Variants in SBNO2 observed in about 807,000 individuals in gnomAD.
SBNO2 encodes the protein protein strawberry notch homolog 2.
A neutral mutation model predicts 146.3 loss-of-function variants in SBNO2; 89 were observed. That is an observed-to-expected ratio of 0.61 (90% CI 0.51 to 0.73). SBNO2 has a LOEUF of 0.73. SBNO2 is among the 30% of genes least tolerant of loss of function. The probability of loss-of-function intolerance (pLI) is 0.00; values close to 1 mark genes in which losing one functional copy is unlikely to be tolerated. For missense variants in SBNO2, 2,092 were observed against 2,003.7 expected (o/e 1.04, Z -0.84); for synonymous variants, 1,147 against 892.6 (o/e 1.29, Z -5.08).
In SBNO2 at chr19:1,109,769, G is replaced by T. The variant is rs545598914; in HGVS notation, c.3037C>A (p.Pro1013Thr). 6.4e-7 allele frequency: 1 copy of T among 1,555,714 alleles called. No individual in the cohort carries two copies. The highest frequency in any genetic ancestry group is 1.4e-5 in the African/African-American group (1 of 73,788). The part of the protein sequence containing the change: ...KYDMGILDLA[P>T]GIEEIYEESQ... ...TCCTCGTAGATCTCCTCGATACCGGGAGCAAGGTCTAGGGGGGCGGGTGGA... is the reference window on the plus strand; with the variant it reads ...TCCTCGTAGATCTCCTCGATACCGGTAGCAAGGTCTAGGGGGGCGGGTGGA... The change falls in exon 27 of 32, where the codon CCC becomes ACC. Residue 1013 changes from proline (P) to threonine (T), a missense_variant. Pro to Thr is a conservative substitution (Grantham distance 38, BLOSUM62 -1). Coordinates refer to ENST00000361757, the MANE Select transcript of SBNO2 (RefSeq NM_014963.3). The surrounding 1 kb of genome is among the most constrained non-coding windows in gnomAD (Gnocchi z 4.2).
chr19:1,123,159 G>T (rs1463384423), intron 7 of SBNO2, 114 bp from the exon 8 acceptor site: 2 of 1,251,992 alleles, frequency 1.6e-6, no homozygotes, highest in East Asian at 5.0e-5. Context: ...GGGCAGTTTG[G>T]GGGCGTGGCC....
chr19:1,115,965 C>CGGGGG, intron 17 of SBNO2, 56 bp downstream of exon 17: 1 of 920,176 alleles, frequency 1.1e-6, no homozygotes, highest in East Asian at 1.0e-4. Flanking sequence ...AGCCAGCCCC[C>CGGGGG]GGGGGGAGAA....
In SBNO2 at chr19:1,108,607, G is replaced by GCAGCC; in HGVS notation, c.3709_3713dup (p.Cys1238TrpfsTer117). The GCAGCC allele has an allele frequency of 7.2e-7, 1 of 1,383,914 alleles. No individual in the cohort carries two copies. The highest frequency in any genetic ancestry group is 9.3e-7 in the Non-Finnish European group (1 of 1,078,000). The allele number at this position is 1,383,914 out of a possible 1,614,324, so 85.7% of individuals were successfully genotyped here. On this transcript the variant is annotated frameshift_variant, in exon 32 of 32. Transcript: ENST00000361757. LOFTEE classifies it low-confidence loss of function (END_TRUNC). ...GCGGGCGCGGGGCGGGCGGGGCGGG[G>GCAGCC]CAGCCCAGGGCGGGCGCCTGCCTGC...
chr19:1,114,136 G>T, intron 18 of SBNO2, 95 bp downstream of exon 18: 1 of 1,174,010 alleles, frequency 8.5e-7, no homozygotes, highest in Non-Finnish European at 1.1e-6. Flanking sequence ...GAGGCCGGGG[G>T]AGCCTCAGGC....
chr19:1,110,549 GC>G lies in SBNO2; in HGVS notation c.3028+195del, dbSNP rs1282371003. 7.9e-5 allele frequency among the ~76,000 whole-genome samples: 11 copies of G among 138,502 alleles called. No individual in the cohort carries two copies. Among genetic ancestry groups the G allele is most frequent in the South Asian group, 2.4e-4 (1 of 4,148 alleles). The allele number at this position is 138,502 out of a possible 152,430, so 90.9% of individuals were successfully genotyped here. On this transcript the variant is annotated intron_variant, in intron 26 of 31. Transcript: ENST00000361757. This position sits in a 1 kb window ranked among gnomAD's most constrained non-coding sequence, Gnocchi z 4.9. ...CCCACAATGCACGGTGTTCCCACGA[GC>G]CCCGAGCCCACCTGGGATGCCCGGC...
chr19:1,119,865 C>A, intron 12 of SBNO2, 41 bp downstream of exon 12: 1 of 1,441,874 alleles, frequency 6.9e-7, no homozygotes, highest in Non-Finnish European at 9.5e-7. Flanking sequence ...GGCAGAAAGA[C>A]GCTGCTGCGG....
chr19:1,146,522 G>T (rs1193663369), intron 4 of SBNO2, among the ~76,000 whole-genome samples: 1 of 152,078 alleles, frequency 6.6e-6, no homozygotes, highest in Non-Finnish European at 1.5e-5. Context: ...AGGCTTGGGG[G>T]AGCTGAGCAC....
At position 1,166,264 on chromosome 19, in the gene SBNO2, C is replaced by T. The variant is rs1178519204; in HGVS notation, c.-127+7908G>A. ...TCCCAGACCCCAGCCCAGAGGGAGG[C>T]CCGGTGAGGGAGTGGAAAGGAGATT... On this transcript the variant is annotated intron_variant, in intron 1 of 31. Transcript: ENST00000361757. 2.1e-5 allele frequency among the ~76,000 whole-genome samples: 3 copies of T among 146,254 alleles called. No individual in the cohort carries two copies. In the East Asian group the frequency reaches 6.0e-4, roughly 29 times the overall value.
rs1025568148 is a variant in SBNO2, at chr19:1,132,344, C to A, written c.280-4579G>T. On this transcript the variant is annotated intron_variant, in intron 4 of 31. Coordinates refer to ENST00000361757, the MANE Select transcript of SBNO2 (RefSeq NM_014963.3). Reference sequence around the variant, plus strand: ...CTGACTTTCAGGAAATGATGCCGGCCCCGTAAGTCAGGGCAATTACCGGCA... The same window carrying A: ...CTGACTTTCAGGAAATGATGCCGGCACCGTAAGTCAGGGCAATTACCGGCA... 2.8e-5 allele frequency: 35 copies of A among 1,256,634 alleles called. No individual in the cohort carries two copies. In the Admixed American group the frequency reaches 1.3e-3, roughly 48 times the overall value. 77.8% of individuals were successfully genotyped at this position (1,256,634 alleles called of 1,614,324 possible).
rs1485033819 is a variant in SBNO2, at chr19:1,122,974, T to C, written c.700A>G (p.Ile234Val). ...GAGGGCAGGGCCAGGGTGTAGGTGA[T>C]GTCTGGGGGTGGGACGCTGGACAGT... The part of the protein sequence containing the change: ...STLSSVPPPD[I>V]TYTLALPSDS... Residue 234 changes from isoleucine (I) to valine (V), a missense_variant, in exon 8 of 32, where the codon ATC (isoleucine) becomes GTC (valine). Physicochemically the swap from Ile to Val is conservative, Grantham distance 29. Transcript: ENST00000361757. The C allele has an allele frequency of 6.4e-7, 1 of 1,574,716 alleles. No individual in the cohort carries two copies. The highest frequency in any genetic ancestry group is 8.6e-7 in the Non-Finnish European group (1 of 1,160,984).
chr19:1,119,482 G>A lies in SBNO2; in HGVS notation c.1373+34C>T, dbSNP rs368557852. 5.5e-4 allele frequency: 348 copies of A among 635,114 alleles called. 1 individual carries two copies. Among genetic ancestry groups the A allele is most frequent in the African/African-American group, 3.6e-3 (192 of 52,768 alleles). The allele number at this position is 635,114 out of a possible 1,614,324, so 39.3% of individuals were successfully genotyped here. On this transcript the variant is annotated intron_variant, in intron 13 of 31. Transcript: ENST00000361757. ...GCCTGAGGCCTCCTCCCCACCCCCC[G>A]CCGCCCCTCCACGTGGGTGAGAAGG...
chr19:1,131,136 G>A (rs529753877), intron 4 of SBNO2, among the ~76,000 whole-genome samples: 2 of 152,108 alleles, frequency 1.3e-5, no homozygotes, highest in African/African-American at 2.4e-5. Context: ...TCCCACCCGC[G>A]CCTGTGTGTC....
Position 1,112,736 on chromosome 19 carries a change from G to T in SBNO2, c.2379+82C>A. The T allele has an allele frequency of 6.7e-7, 1 of 1,482,552 alleles. No homozygotes were observed. The highest frequency in any genetic ancestry group is 1.3e-5 in the South Asian group (1 of 76,958). The allele number at this position is 1,482,552 out of a possible 1,614,324, so 91.8% of individuals were successfully genotyped here. A position where few individuals can be genotyped will look rare whatever the true frequency, so the allele number is the denominator to read the frequency against. ...ACACACACACTCCAGAAGTGCGCGG[G>T]TCCACAGTCCCCGGGGACCCTTGGG... On this transcript the variant is annotated intron_variant, in intron 20 of 31. Coordinates refer to ENST00000361757, the MANE Select transcript of SBNO2 (RefSeq NM_014963.3). This position sits in a 1 kb window ranked among gnomAD's most constrained non-coding sequence, Gnocchi z 5.9.
In SBNO2 at chr19:1,109,418, G is replaced by A. The variant is rs759841731; in HGVS notation, c.3222C>T (p.Arg1074=). The change falls in exon 29 of 32, where the codon CGC becomes CGT. Residue 1074 remains arginine (R), a synonymous_variant. Coordinates refer to ENST00000361757, the MANE Select transcript of SBNO2 (RefSeq NM_014963.3). The surrounding 1 kb of genome is among the most constrained non-coding windows in gnomAD (Gnocchi z 4.2). ...YDGFYLSYKV[R]GNKPSCLLAE... is the part of the protein sequence containing the mutation. ...CCAGCAGGCAGCTGGGCTTGTTACC[G>A]CGGACCTGCGGAGGGGGGCGTTGAG... 1 of 1,564,076 alleles carries A rather than the reference G, an allele frequency of 6.4e-7. No individual in the cohort carries two copies. Among genetic ancestry groups the A allele is most frequent in the South Asian group, 1.2e-5 (1 of 85,586 alleles).
At position 1,140,548 on chromosome 19, in the gene SBNO2, G is replaced by A. The variant is rs1436768404; in HGVS notation, c.279+6761C>T. Reference sequence around the variant, plus strand: ...ACACACGTGACACCGCGGGAGCCCCGCAGCCCACGGTGGATGCCAGCAGCG... The same window carrying A: ...ACACACGTGACACCGCGGGAGCCCCACAGCCCACGGTGGATGCCAGCAGCG... On this transcript the variant is annotated intron_variant, in intron 4 of 31. Coordinates refer to ENST00000361757, the MANE Select transcript of SBNO2 (RefSeq NM_014963.3). This position sits in a 1 kb window ranked among gnomAD's most constrained non-coding sequence, Gnocchi z 4.4. 2.0e-5 allele frequency among the ~76,000 whole-genome samples: 3 copies of A among 152,086 alleles called. No individual in the cohort carries two copies. Among genetic ancestry groups the A allele is most frequent in the Non-Finnish European group, 2.9e-5 (2 of 67,974 alleles).
chr19:1,164,814 G>A (rs140744384), intron 1 of SBNO2, among the ~76,000 whole-genome samples: 15 of 54 alleles, frequency 0.28, no homozygotes, highest in Admixed American at 0.5. Flanking sequence ...AGGAGGAGGA[G>A]CAGGAGGAGG....
Position 1,112,140 on chromosome 19 carries a change from G to A in SBNO2, c.2628+49C>T. On this transcript the variant is annotated intron_variant, in intron 22 of 31. Transcript: ENST00000361757. This position sits in a 1 kb window ranked among gnomAD's most constrained non-coding sequence, Gnocchi z 5.9. ...CTAGCACCCCACAAAGCTTTGGAGA[G>A]CCTTCCTGGGCCTGTCCCTGGTTCT... 2 of 1,594,024 alleles carry A rather than the reference G, an allele frequency of 1.3e-6. No individual in the cohort carries two copies. Among genetic ancestry groups the A allele is most frequent in the Non-Finnish European group, 1.7e-6 (2 of 1,169,804 alleles).
At chr19:1,108,735 C>A (rs753726220) in intron 31 of SBNO2, 31 bp from the exon 32 acceptor site, 1 of 1,581,528 alleles carries the variant, frequency 6.3e-7, no homozygotes, top group Admixed American at 1.7e-5. Flanking sequence ...TCAGGGCCGG[C>A]GCTGGGGGCT....
At chr19:1,159,024 G>C (rs2080318672) in intron 1 of SBNO2, among the ~76,000 whole-genome samples, 1 of 146,586 alleles carries the variant, frequency 6.8e-6, no homozygotes, top group African/African-American at 2.6e-5. Context: ...CCCACCTGCA[G>C]CCATGACCCC....
Sources: gnomAD v4.1 joint callset for allele counts (sites outside exome capture counted in the v4.1 genomes callset) on GRCh38, gnomAD v4.1.1 for gene constraint, Gnocchi (gnomAD v3.1) non-coding constraint, MANE v1.5 for transcripts, NCBI Gene and HGNC (gene_info 2026-07-23, HGNC 2026-07-21) for gene names.